MYO16: variants seen among roughly 807,000 people sequenced by gnomAD.
The protein encoded by MYO16 is unconventional myosin-XVI.
MYO16 carries 94 observed loss-of-function variants against 205.3 expected under a neutral mutation model. The ratio of observed to expected loss-of-function variants is 0.46; its 90% confidence interval spans 0.39 to 0.54. The LOEUF is 0.54. Among genes scored for constraint, MYO16 ranks in the 20% least tolerant of loss-of-function variants. The pLI, the probability that MYO16 is intolerant of heterozygous loss-of-function variation, is 0.00. For synonymous variants in MYO16, 988 were observed against 954.0 expected (o/e 1.04, Z -0.66); for missense variants, 2,315 against 2,387.5 (o/e 0.97, Z 0.63).
chr13:109,025,270 C>G (rs1382251597), intron 23 of MYO16, among the ~76,000 whole-genome samples: 1 of 152,174 alleles, frequency 6.6e-6, no homozygotes, highest in Non-Finnish European at 1.5e-5. Context: ...ATCCTGAAAG[C>G]TCTGACCAGG....
intron 17 of MYO16, among the ~76,000 whole-genome samples, chr13:108,959,515 A>C (rs1385478389): frequency 1.3e-5 from 2 of 152,202 alleles, no homozygotes; most frequent in Non-Finnish European, 2.9e-5. Context: ...TTGGTAAAAG[A>C]AGTATGCACA....
rs560372353 is a variant in MYO16 at position 108,605,713 on chromosome 13, C to A, written c.-39+9474C>A. ...TAAACCTCTTTCCTTTATAAATTTC[C>A]CAGTTTGGGGTATTTCTTCATTGTA... On this transcript the variant is annotated intron_variant, in intron 1 of 24. Coordinates refer to the MYO16 transcript ENST00000251041. Among the ~76,000 whole-genome samples, 4 of 152,206 alleles carry A rather than the reference C, an allele frequency of 2.6e-5. No homozygotes were observed. The East Asian group carries it at 5.8e-4, about 22-fold the overall frequency.
At chr13:108,754,516 G>C (rs556865277) in intron 4 of MYO16, among the ~76,000 whole-genome samples, 1 of 128,124 alleles carries the variant, frequency 7.8e-6, no homozygotes, top group South Asian at 2.1e-4. Flanking sequence ...AGGTTTTGGC[G>C]TGTGTGTGTG....
chr13:109,005,141 G>A (rs547438258), intron 21 of MYO16, among the ~76,000 whole-genome samples: 1 of 152,128 alleles, frequency 6.6e-6, no homozygotes, highest in African/African-American at 2.4e-5. Flanking sequence ...GGAAGAAGAC[G>A]ATACCAGGAG....
intron 23 of MYO16, among the ~76,000 whole-genome samples, chr13:109,031,905 G>T (rs1204740759): frequency 6.6e-6 from 1 of 152,150 alleles, no homozygotes; most frequent in South Asian, 2.1e-4. Context: ...TTAATGGAAA[G>T]TGAAGTCTCC....
chr13:108,750,924 G>A (rs537215174), intron 4 of MYO16, among the ~76,000 whole-genome samples: 15 of 152,340 alleles, frequency 9.8e-5, no homozygotes, highest in African/African-American at 3.1e-4. Flanking sequence ...AAATAAGCAA[G>A]GGGAGGAGGC....
At chr13:109,118,668 G>T (rs1055160389) in intron 28 of MYO16, among the ~76,000 whole-genome samples, 2 of 152,130 alleles carry the variant, frequency 1.3e-5, no homozygotes, top group Admixed American at 6.6e-5. Context: ...GAACAGAGAG[G>T]TGACATGTTC....
chr13:109,159,457 G>A (rs1024107153), intron 32 of MYO16, among the ~76,000 whole-genome samples: 2 of 152,170 alleles, frequency 1.3e-5, no homozygotes, highest in East Asian at 1.9e-4. Context: ...AATTTCTATA[G>A]CAACATTATT....
the MYO16 span, among the ~76,000 whole-genome samples, chr13:108,585,202 T>C: frequency 3.3e-5 from 5 of 152,184 alleles, no homozygotes; most frequent in African/African-American, 1.2e-4. Context: ...CCTGAGAACA[T>C]GCACCCAAGG....
rs1875939785 is a variant in MYO16 at position 109,120,484 on chromosome 13, A to G, written c.3535+18A>G. 1 of 1,567,876 alleles carries G rather than the reference A, an allele frequency of 6.4e-7. No homozygotes were observed. The highest frequency in any genetic ancestry group is 8.7e-7 in the Non-Finnish European group (1 of 1,147,618). On this transcript the variant is annotated intron_variant, in intron 29 of 34. Transcript: ENST00000457511. Reference sequence around the variant, plus strand: ...CCAAAAAGGTAACATTTATATGCCAACATTTCTGAATTTATTTGAGTTGTG... The same window carrying G: ...CCAAAAAGGTAACATTTATATGCCAGCATTTCTGAATTTATTTGAGTTGTG...
At chr13:109,193,144 A>T (rs537171621) in intron 34 of MYO16, among the ~76,000 whole-genome samples, 31 of 151,842 alleles carry the variant, frequency 2.0e-4, no homozygotes, top group East Asian at 1.7e-3. Context: ...TCTCTCTCTC[A>T]CACACACACA....
At chr13:109,044,219 G>GA (rs1441259713) in intron 23 of MYO16, among the ~76,000 whole-genome samples, 6 of 152,270 alleles carry the variant, frequency 3.9e-5, no homozygotes, top group Non-Finnish European at 1.5e-5. Flanking sequence ...CTTGAGACCT[G>GA]AAAGAAGTCA....
At chr13:108,781,919 G>T (rs1047505971) in intron 4 of MYO16, among the ~76,000 whole-genome samples, 1 of 152,080 alleles carries the variant, frequency 6.6e-6, no homozygotes. Context: ...TGATTCTGAC[G>T]CCTCCCCAGC....
At chr13:108,558,046 T>A in the MYO16 span, among the ~76,000 whole-genome samples, 777 of 152,330 alleles carry the variant, frequency 5.1e-3, 19 homozygotes, top group East Asian at 0.08. Flanking sequence ...GAAAATTTTA[T>A]TTTCAATTTT....
the MYO16 span, among the ~76,000 whole-genome samples, chr13:108,538,907 G>A: frequency 6.6e-6 from 1 of 152,070 alleles, no homozygotes; most frequent in African/African-American, 2.4e-5. Context: ...ACTTAGGTTT[G>A]AAAAGAAGCA....
intron 4 of MYO16, among the ~76,000 whole-genome samples, chr13:108,767,330 C>A (rs1382033411): frequency 6.6e-6 from 1 of 152,148 alleles, no homozygotes; most frequent in Non-Finnish European, 1.5e-5. Flanking sequence ...TCTCGATCTC[C>A]TGACCTCGTG....
chr13:108,543,598 T>C, the MYO16 span, among the ~76,000 whole-genome samples: 41 of 140,196 alleles, frequency 2.9e-4, no homozygotes, highest in East Asian at 7.5e-3. Flanking sequence ...ACCGAGATTG[T>C]GCCACTGCAC....
intron 16 of MYO16, among the ~76,000 whole-genome samples, chr13:108,928,123 C>T (rs969986419): frequency 1.1e-4 from 16 of 152,158 alleles, no homozygotes; most frequent in Non-Finnish European, 1.9e-4. Context: ...TTTCTCCTTT[C>T]TCTACAAGGA....
At chr13:109,012,783 A>ATG (rs1566460487) in intron 22 of MYO16, among the ~76,000 whole-genome samples, 1 of 145,258 alleles carries the variant, frequency 6.9e-6, no homozygotes, top group Non-Finnish European at 1.5e-5. Context: ...GTGTGTGTAT[A>ATG]TATATATATA....
Sources: gnomAD v4.1 joint callset for allele counts (sites outside exome capture counted in the v4.1 genomes callset) on GRCh38, gnomAD v4.1.1 for gene constraint, MANE v1.5 for transcripts, NCBI Gene and HGNC (gene_info 2026-07-23, HGNC 2026-07-21) for gene names.